Variants in HS3ST2 observed in about 807,000 individuals in gnomAD.
The protein encoded by HS3ST2 is heparan sulfate-glucosamine 3-sulfotransferase 2, also known as heparan sulfate glucosamine 3-O-sulfotransferase 2.
A neutral mutation model predicts 26.3 loss-of-function variants in HS3ST2; 17 were observed. That is an observed-to-expected ratio of 0.65 (90% CI 0.44 to 0.97). The LOEUF is 0.97. Among genes scored for constraint, HS3ST2 ranks in the 50% least tolerant of loss-of-function variants. HS3ST2 has a pLI of 0.00. For missense variants in HS3ST2, 402 were observed against 501.2 expected, an observed-to-expected ratio of 0.80 and a Z score of 1.89; for synonymous variants, 237 against 219.2, an observed-to-expected ratio of 1.08 and a Z score of -0.72.
intron 1 of HS3ST2, among the ~76,000 whole-genome samples, chr16:22,880,328 G>T (rs763527125): frequency 6.6e-5 from 10 of 152,034 alleles, no homozygotes; most frequent in Admixed American, 2.6e-4. Flanking sequence ...GAAATGGGAG[G>T]ATCGCTTCAA....
chr16:22,883,117 A>G (rs772917857), intron 1 of HS3ST2, among the ~76,000 whole-genome samples: 1 of 152,166 alleles, frequency 6.6e-6, no homozygotes, highest in Non-Finnish European at 1.5e-5. Context: ...ATCACTTTAT[A>G]GTGCTTGCAG....
intron 1 of HS3ST2, among the ~76,000 whole-genome samples, chr16:22,914,444 G>T (rs1469724534): frequency 6.6e-6 from 1 of 151,990 alleles, no homozygotes; most frequent in Non-Finnish European, 1.5e-5. Flanking sequence ...AAGAAAAAAA[G>T]CCTGTAATCC....
rs184150195 is a variant in HS3ST2 at position 22,819,106 on chromosome 16, T to C, written c.485+4011T>C. On this transcript the variant is annotated intron_variant, in intron 1 of 1. Transcript: ENST00000261374. The stretch of plus-strand genomic sequence containing the variant: ...TCCCTCCCTTCCTCCCTCCCTCCCT[T>C]CCTTCCTTCCTTCCTTCCTTCCTTC... Among the ~76,000 whole-genome samples, 55 of 12,658 alleles carry C rather than the reference T, an allele frequency of 4.3e-3. 8 individuals carry two copies. Among genetic ancestry groups the C allele is most frequent in the Non-Finnish European group, 5.2e-3 (39 of 7,524 alleles). The allele number at this position is 12,658 out of a possible 152,430, so 8.3% of individuals were successfully genotyped here.
Position 22,915,835 on chromosome 16 carries a change from C to A in HS3ST2, c.*273C>A. 1 of 465,338 alleles carries A rather than the reference C, an allele frequency of 2.1e-6. No homozygotes were observed. The highest frequency in any genetic ancestry group is 3.8e-6 in the Non-Finnish European group (1 of 263,072). The allele number at this position is 465,338 out of a possible 1,614,324, so 28.8% of individuals were successfully genotyped here. ...ATTCTCCTTTCTGCCCATAAAGGGCCTTGGAGAATTGCTTTAAGAAGAGTG... is the reference window on the plus strand; with the variant it reads ...ATTCTCCTTTCTGCCCATAAAGGGCATTGGAGAATTGCTTTAAGAAGAGTG... On this transcript the variant is annotated 3_prime_UTR_variant, in exon 2 of 2. Transcript: ENST00000261374.
intron 1 of HS3ST2, among the ~76,000 whole-genome samples, chr16:22,906,636 T>C (rs1902358133): frequency 6.6e-6 from 1 of 152,178 alleles, no homozygotes; most frequent in Non-Finnish European, 1.5e-5. Flanking sequence ...ATTTGGAAAG[T>C]TTGGTGGAAG....
At chr16:22,881,350 G>A (rs1018329813) in intron 1 of HS3ST2, among the ~76,000 whole-genome samples, 1 of 152,146 alleles carries the variant, frequency 6.6e-6, no homozygotes, top group Non-Finnish European at 1.5e-5. Flanking sequence ...AGACATTTGC[G>A]CTGTCAGGAG....
intron 1 of HS3ST2, among the ~76,000 whole-genome samples, chr16:22,860,958 G>A (rs1438488641): frequency 4.6e-5 from 7 of 151,656 alleles, no homozygotes; most frequent in African/African-American, 7.3e-5. Context: ...ATGCAGCCTC[G>A]AATTCCTGGG....
intron 1 of HS3ST2, among the ~76,000 whole-genome samples, chr16:22,864,902 A>G (rs1901728683): frequency 6.7e-6 from 1 of 149,370 alleles, no homozygotes; most frequent in African/African-American, 2.5e-5. Context: ...AAAAAAAAAA[A>G]TAGCCGGGCA....
chr16:22,880,188 G>C (rs566406693), intron 1 of HS3ST2, among the ~76,000 whole-genome samples: 2 of 152,310 alleles, frequency 1.3e-5, no homozygotes, highest in South Asian at 2.1e-4. Flanking sequence ...GGAGGCCAAG[G>C]TGGGAAGATC....
chr16:22,899,220 G>A (rs1197247257), intron 1 of HS3ST2, among the ~76,000 whole-genome samples: 2 of 152,140 alleles, frequency 1.3e-5, no homozygotes, highest in Non-Finnish European at 2.9e-5. Context: ...TGGAGGGTGG[G>A]GACTCCGTGG....
intron 1 of HS3ST2, among the ~76,000 whole-genome samples, chr16:22,846,828 C>A (rs1003482071): frequency 6.6e-6 from 1 of 152,014 alleles, no homozygotes; most frequent in African/African-American, 2.4e-5. Flanking sequence ...AAAGTAACTG[C>A]AAGGTGGTTA....
intron 1 of HS3ST2, among the ~76,000 whole-genome samples, chr16:22,824,999 G>C (rs1339141296): frequency 1.3e-5 from 2 of 152,194 alleles, no homozygotes; most frequent in African/African-American, 4.8e-5. Context: ...TTATTGGAGA[G>C]AGAGAGAGAG....
intron 1 of HS3ST2, among the ~76,000 whole-genome samples, chr16:22,866,539 G>A (rs562246446): frequency 1.3e-3 from 203 of 152,252 alleles, no homozygotes; most frequent in African/African-American, 4.6e-3. Flanking sequence ...GGAGGCTAAG[G>A]CAGGCAGATC....
chr16:22,869,964 G>A (rs1158933510), intron 1 of HS3ST2, among the ~76,000 whole-genome samples: 3 of 152,054 alleles, frequency 2.0e-5, no homozygotes, highest in Non-Finnish European at 4.4e-5. Flanking sequence ...AGCTCATGTA[G>A]ATTGAACACT....
At chr16:22,823,358 AAAG>A (rs1281545635) in intron 1 of HS3ST2, among the ~76,000 whole-genome samples, 11 of 152,202 alleles carry the variant, frequency 7.2e-5, no homozygotes, top group Admixed American at 6.5e-5. Flanking sequence ...GAATGAAGGT[AAAG>A]AAGGAGAGAT....
chr16:22,903,148 T>C (rs1902302703), intron 1 of HS3ST2, among the ~76,000 whole-genome samples: 1 of 152,204 alleles, frequency 6.6e-6, no homozygotes, highest in Non-Finnish European at 1.5e-5. Flanking sequence ...ATTTTTATAT[T>C]CTCACGTTTT....
intron 1 of HS3ST2, among the ~76,000 whole-genome samples, chr16:22,869,775 G>T (rs2141192696): frequency 6.6e-6 from 1 of 152,200 alleles, no homozygotes; most frequent in East Asian, 1.9e-4. Flanking sequence ...ATGAGATTTG[G>T]GTGGGGACAC....
intron 1 of HS3ST2, among the ~76,000 whole-genome samples, chr16:22,828,600 A>G (rs1901124145): frequency 6.6e-6 from 1 of 152,208 alleles, no homozygotes; most frequent in African/African-American, 2.4e-5. Flanking sequence ...TAAAGATATG[A>G]AATCATCTAA....
At chr16:22,895,187 T>A (rs1902192897) in intron 1 of HS3ST2, among the ~76,000 whole-genome samples, 1 of 151,938 alleles carries the variant, frequency 6.6e-6, no homozygotes, top group African/African-American at 2.4e-5. Context: ...CCTCCTGAGT[T>A]CAAGCTATTC....
Sources: gnomAD v4.1 joint callset for allele counts (sites outside exome capture counted in the v4.1 genomes callset) on GRCh38, gnomAD v4.1.1 for gene constraint, MANE v1.5 for transcripts, NCBI Gene and HGNC (gene_info 2026-07-23, HGNC 2026-07-21) for gene names.